CAPS2: variants seen among roughly 807,000 people sequenced by gnomAD.
CAPS2 encodes the protein calcyphosine 2.
CAPS2 carries 98 observed loss-of-function variants against 86.5 expected under a neutral mutation model. The ratio of observed to expected loss-of-function variants is 1.13; its 90% CI spans 0.96 to 1.34. The LOEUF (loss-of-function observed/expected upper bound fraction) is 1.34, where lower values mean the gene tolerates loss of function less well. CAPS2 is among the 40% of genes most tolerant of loss of function. The probability of loss-of-function intolerance (pLI) is 0.00; values close to 1 mark genes in which losing one functional copy is unlikely to be tolerated. For missense variants in CAPS2, 729 were observed against 686.8 expected (o/e 1.06, Z -0.69); for synonymous variants, 210 against 225.1 (o/e 0.93, Z 0.60).
intron 1 of CAPS2, among the ~76,000 whole-genome samples, chr12:75,354,165 AAG>A (rs869045841): frequency 2.9e-5 from 3 of 102,194 alleles, no homozygotes; most frequent in African/African-American, 1.1e-4. Flanking sequence ...AGAGAAAAAA[AAG>A]GGGGGGGGGT....
At position 75,322,832 on chromosome 12, in the gene CAPS2, T is replaced by C. The variant is rs564483756; in HGVS notation, c.291+142A>G. The stretch of plus-strand genomic sequence containing the variant: ...ACCAATTTCCATGTGCGACAAAATG[T>C]AAAACAAGTAAAAATTATTTCACCA... On this transcript the variant is annotated intron_variant, in intron 4 of 16. Coordinates refer to ENST00000393284, the Ensembl canonical transcript of CAPS2. 4.0e-5 allele frequency: 23 copies of C among 573,590 alleles called. No individual in the cohort carries two copies. The East Asian group carries it at 6.6e-4, about 17-fold the overall frequency. The allele number at this position is 573,590 out of a possible 1,614,324, so 35.5% of individuals were successfully genotyped here. A position where few individuals can be genotyped will look rare whatever the true frequency, so the allele number is the denominator to read the frequency against.
chr12:75,292,873 T>C (rs2036234662), intron 12 of CAPS2, among the ~76,000 whole-genome samples: 1 of 151,252 alleles, frequency 6.6e-6, no homozygotes, highest in African/African-American at 2.4e-5. Flanking sequence ...CCTCAGACTT[T>C]TTTAGATACT....
intron 1 of CAPS2, among the ~76,000 whole-genome samples, chr12:75,376,886 G>T (rs1157631695): frequency 6.6e-6 from 1 of 152,116 alleles, no homozygotes; most frequent in Non-Finnish European, 1.5e-5. Context: ...AATCTTAGAC[G>T]ATCTGAGGCT....
intron 1 of CAPS2, among the ~76,000 whole-genome samples, chr12:75,381,610 A>T (rs1180985561): frequency 1.9e-5 from 2 of 103,680 alleles, no homozygotes; most frequent in Non-Finnish European, 4.0e-5. Context: ...TCATTTTCTT[A>T]AGTGTTTTTT....
intron 15 of CAPS2, among the ~76,000 whole-genome samples, 157 bp from the exon 16 acceptor site, chr12:75,282,504 A>G (rs553133950): frequency 2.6e-5 from 4 of 152,116 alleles, no homozygotes; most frequent in Non-Finnish European, 4.4e-5. Context: ...CTCCTGCCTC[A>G]GCCTACCGAG....
At chr12:75,373,682 A>C (rs2139737772) in intron 1 of CAPS2, 1 of 152,666 alleles carries the variant, frequency 6.6e-6, no homozygotes, top group Middle Eastern at 3.4e-3. Flanking sequence ...ATCATGCAAA[A>C]CCATCTGTAA....
chr12:75,287,301 C>G (rs899098259), intron 14 of CAPS2, among the ~76,000 whole-genome samples: 1 of 151,888 alleles, frequency 6.6e-6, no homozygotes, highest in African/African-American at 2.4e-5. Flanking sequence ...AGGCAGGAAT[C>G]GTCTCCTGCC....
exon 17 of CAPS2, chr12:75,278,988 A>G (rs2033390030): frequency 1.2e-6 from 2 of 1,610,734 alleles, no homozygotes; most frequent in Admixed American, 3.4e-5. Context: ...TCACCATATG[A>G]CACTTCATCA....
chr12:75,382,773 CTT>C (rs1258846957), intron 1 of CAPS2, among the ~76,000 whole-genome samples: 5 of 152,226 alleles, frequency 3.3e-5, no homozygotes, highest in East Asian at 1.9e-4. Context: ...CAAAATTGCT[CTT>C]GTTTTTAAAA....
At chr12:75,332,909 C>T (rs952385902), upstream of CAPS2, among the ~76,000 whole-genome samples, 1 of 152,126 alleles carries the variant, frequency 6.6e-6, no homozygotes, top group African/African-American at 2.4e-5. Flanking sequence ...ATAGAATGAT[C>T]AGGGAAGACT....
chr12:75,382,557 T>C (rs1259713076), intron 1 of CAPS2, among the ~76,000 whole-genome samples: 1 of 151,976 alleles, frequency 6.6e-6, no homozygotes, highest in Non-Finnish European at 1.5e-5. Context: ...TGAGAATCAC[T>C]TGAACCCAAG....
intron 7 of CAPS2, among the ~76,000 whole-genome samples, chr12:75,311,730 A>C (rs1265366187): frequency 2.5e-5 from 3 of 119,046 alleles, no homozygotes; most frequent in African/African-American, 8.5e-5. Context: ...AAAACAAAAA[A>C]AAAAAAAAAA....
At chr12:75,321,638 C>A (rs2040311883) in intron 4 of CAPS2, 62 bp from the exon 5 acceptor site, 1 of 1,223,620 alleles carries the variant, frequency 8.2e-7, no homozygotes. Context: ...TCCTTATTGG[C>A]ATTAACAGGT....
At position 75,301,088 on chromosome 12, in the gene CAPS2, A is replaced by G. The variant is rs531192151; in HGVS notation, c.780-1177T>C. On this transcript the variant is annotated intron_variant, in intron 8 of 16. Coordinates refer to ENST00000393284, the Ensembl canonical transcript of CAPS2. Reference sequence around the variant, plus strand: ...GCCAGCCCTAAAATTCTATTTAACAATATAAAGCAAAACCAAAACACCCTA... The same window carrying G: ...GCCAGCCCTAAAATTCTATTTAACAGTATAAAGCAAAACCAAAACACCCTA... Among the ~76,000 whole-genome samples the G allele has an allele frequency of 2.0e-5, 3 of 152,328 alleles. No homozygotes were observed. In the South Asian group the frequency reaches 6.2e-4, roughly 32 times the overall value.
At chr12:75,280,074 A>G (rs1217829864) in intron 16 of CAPS2, among the ~76,000 whole-genome samples, 2 of 152,010 alleles carry the variant, frequency 1.3e-5, no homozygotes, top group Non-Finnish European at 2.9e-5. Context: ...GAAAATATTT[A>G]CAGCAAAAAA....
rs1013178539 is a variant in CAPS2 at position 75,355,980 on chromosome 12, G to A, written c.-394-32758C>T. On this transcript the variant is annotated intron_variant, in intron 1 of 5. Transcript: ENST00000551829. ...ACAACACACACTGGGGCCTGTTGGGGGTAGGGTGGGGAGAGGGAGAGCATC... is the reference window on the plus strand; with the variant it reads ...ACAACACACACTGGGGCCTGTTGGGAGTAGGGTGGGGAGAGGGAGAGCATC... Among the ~76,000 whole-genome samples the A allele has an allele frequency of 2.0e-5, 3 of 152,164 alleles. No individual in the cohort carries two copies. In the East Asian group the frequency reaches 5.8e-4, roughly 29 times the overall value.
At chr12:75,304,811 G>A (rs767216438) in exon 8 of CAPS2, 1 of 1,610,132 alleles carries the variant, frequency 6.2e-7, no homozygotes, top group African/African-American at 1.3e-5. Context: ...CTTTGAATCT[G>A]GAAGGATATG....
At chr12:75,308,219 T>G (rs2038732669) in intron 7 of CAPS2, among the ~76,000 whole-genome samples, 1 of 152,196 alleles carries the variant, frequency 6.6e-6, no homozygotes, top group Non-Finnish European at 1.5e-5. Context: ...CAGCTTCTGA[T>G]TGGTCACTTT....
chr12:75,390,356 T>C (rs1159898403), intron 1 of CAPS2: 1 of 456,314 alleles, frequency 2.2e-6, no homozygotes, highest in East Asian at 6.9e-5. Context: ...AGATGAATCT[T>C]GATATTCCGG....
Sources: allele counts gnomAD v4.1 joint callset (sites outside exome capture counted in the v4.1 genomes callset), GRCh38; gene constraint gnomAD v4.1.1; transcripts MANE v1.5; gene names NCBI Gene and HGNC (gene_info 2026-07-23, HGNC 2026-07-21).